Variants in NHS observed in about 807,000 individuals in gnomAD.
NHS encodes actin remodeling regulator NHS.
Under a neutral mutation model 72.5 loss-of-function variants are expected in NHS, and 5 were observed. The observed-to-expected ratio is 0.07, with a 90% confidence interval of 0.04 to 0.14. NHS has a LOEUF of 0.14. NHS is among the 10% of genes least tolerant of loss of function. NHS has a pLI of 1.00. For synonymous variants in NHS, 464 were observed against 547.7 expected, an observed-to-expected ratio of 0.85 and a Z score of 2.13; for missense variants, 1,072 against 1,355.7, an observed-to-expected ratio of 0.79 and a Z score of 3.29.
At chrX:17,721,384 ATATGTGTGCTTATGTATAAAC>A (rs1244612011) in intron 4 of NHS, 36 bp from the exon 5 acceptor site, 5 of 1,129,635 alleles carry the variant, frequency 4.4e-6, no homozygotes, top group Non-Finnish European at 6.1e-6. Flanking sequence ...GAAATTCCTT[ATATGTGTGCTTATGTATAAAC>A]TATGATGGCT....
At chrX:17,473,436 G>T (rs1275529546) in intron 1 of NHS, among the ~76,000 whole-genome samples, 2 of 112,687 alleles carry the variant, frequency 1.8e-5, no homozygotes, top group East Asian at 5.5e-4. Context: ...TCTAGCTGCA[G>T]AGCTGTAAGC....
chrX:17,608,685 TGG>T (rs201442682), intron 1 of NHS, among the ~76,000 whole-genome samples: 8 of 109,401 alleles, frequency 7.3e-5, no homozygotes, highest in African/African-American at 2.4e-4. Context: ...TTTTTTTTTT[TGG>T]GGGGATATAA....
At chrX:17,519,947 C>T (rs1336235482) in intron 1 of NHS, among the ~76,000 whole-genome samples, 1 of 107,369 alleles carries the variant, frequency 9.3e-6, no homozygotes, top group Non-Finnish European at 1.9e-5. Context: ...GCATTTCCCA[C>T]TCCCCACCCC....
At chrX:17,458,157 A>G (rs2064832626) in intron 1 of NHS, among the ~76,000 whole-genome samples, 1 of 111,539 alleles carries the variant, frequency 9.0e-6, no homozygotes, top group Admixed American at 9.5e-5. Flanking sequence ...CCTAAGGCTC[A>G]TCATGTGTTA....
At position 17,725,436 on chromosome X, in the gene NHS, A is replaced by G. The variant is rs1239424222; in HGVS notation, c.1330A>G (p.Thr444Ala). 1 of 1,211,362 alleles carries G rather than the reference A, an allele frequency of 8.3e-7. No individual in the cohort carries two copies. ...CAACACTGTCAATAGGATATCCGGA[A>G]CCAGGGACTCTGAGTGCCAAACCGA... is the stretch of plus-strand genomic sequence containing the variant. The part of the protein sequence containing the change: ...PSNTVNRISG[T>A]RDSECQTEDI... The change falls in exon 7 of 9, where the codon ACC becomes GCC. Residue 444 changes from threonine (T) to alanine (A), a missense_variant. Coordinates refer to ENST00000676302, the MANE Select transcript of NHS (RefSeq NM_001291867.2).
intron 1 of NHS, among the ~76,000 whole-genome samples, chrX:17,655,353 A>C (rs1046941781): frequency 6.2e-5 from 7 of 112,175 alleles, no homozygotes; most frequent in African/African-American, 2.3e-4. Context: ...GGTAACGCGC[A>C]GCCCCAGCGG....
rs1219009600 is a variant in NHS, at chrX:17,375,401, CGGCGACGGCAGTGGCCGGGGT to C, written c.-347_-327del. 3 of 387,831 alleles carry C rather than the reference CGGCGACGGCAGTGGCCGGGGT, an allele frequency of 7.7e-6. No homozygotes were observed. The highest frequency in any genetic ancestry group is 8.8e-6 in the Non-Finnish European group (2 of 226,591). 32.0% of individuals were successfully genotyped at this position (387,831 alleles called of 1,213,427 possible). ...CACGCACGCCCATTTATATAGGCGG[CGGCGACGGCAGTGGCCGGGGT>C]GGCGACGGCGAGCACAGAAACGATG... On this transcript the variant is annotated 5_prime_UTR_variant, in exon 1 of 9. Transcript: ENST00000676302.
chrX:17,542,342 A>C (rs367716993), intron 1 of NHS, among the ~76,000 whole-genome samples: 8 of 113,347 alleles, frequency 7.1e-5, no homozygotes, highest in African/African-American at 2.2e-4. Flanking sequence ...AAAGCAGCCC[A>C]CTGGGGAAAC....
chrX:17,685,351 A>T (rs2066155836), intron 1 of NHS, among the ~76,000 whole-genome samples: 1 of 112,104 alleles, frequency 8.9e-6, no homozygotes, highest in South Asian at 3.7e-4. Context: ...TGGAGAAAGA[A>T]AAAGATTTTG....
rs149355260 is a variant in NHS, at chrX:17,521,475, A to G, written c.565+145153A>G. On this transcript the variant is annotated intron_variant, in intron 1 of 8. Coordinates refer to ENST00000676302, the MANE Select transcript of NHS (RefSeq NM_001291867.2). Reference sequence around the variant, plus strand: ...CTCCCTGGGCTCAAGCGATCCTCCTACCTCAGCCTCCAGTATACCTGGGAC... The same window carrying G: ...CTCCCTGGGCTCAAGCGATCCTCCTGCCTCAGCCTCCAGTATACCTGGGAC... Among the ~76,000 whole-genome samples, 671 of 107,645 alleles carry G rather than the reference A, an allele frequency of 6.2e-3. 6 individuals carry two copies. Among genetic ancestry groups the G allele is most frequent in the African/African-American group, 0.022 (638 of 28,986 alleles). The allele number at this position is 107,645 out of a possible 115,157, so 93.5% of individuals were successfully genotyped here. A position where few individuals can be genotyped will look rare whatever the true frequency, so the allele number is the denominator to read the frequency against.
chrX:17,679,859 A>AGG (rs138011299), intron 1 of NHS, among the ~76,000 whole-genome samples: 229 of 78,514 alleles, frequency 2.9e-3, no homozygotes, highest in Middle Eastern at 7.4e-3. Context: ...GAATGAAGAA[A>AGG]GGGGGGGGGG....
chrX:17,407,121 AG>A lies in NHS; in HGVS notation c.565+30800del, dbSNP rs763062255. Among the ~76,000 whole-genome samples, 52 of 112,001 alleles carry A rather than the reference AG, an allele frequency of 4.6e-4. No homozygotes were observed. The East Asian group carries it at 0.012, about 25-fold the overall frequency. On this transcript the variant is annotated intron_variant, in intron 1 of 8. Transcript: ENST00000676302. ...TCCCATGCATTGTTTTTGCAGAAGCAGAGCATGACCGACATCTAATAATATC... is the reference window on the plus strand; with the variant it reads ...TCCCATGCATTGTTTTTGCAGAAGCAAGCATGACCGACATCTAATAATATC...
At chrX:17,597,183 G>T (rs1218743444) in intron 1 of NHS, among the ~76,000 whole-genome samples, 1 of 100,972 alleles carries the variant, frequency 9.9e-6, no homozygotes, top group Non-Finnish European at 2.0e-5. Flanking sequence ...GCAATGGCGC[G>T]ATCTCGGCTC....
intron 3 of NHS, among the ~76,000 whole-genome samples, chrX:17,695,100 C>G (rs749093739): frequency 5.7e-4 from 64 of 112,419 alleles, no homozygotes; most frequent in African/African-American, 1.9e-3. Context: ...TTCTTACCAT[C>G]AAATGAAAAG....
At chrX:17,563,531 A>G (rs765813585) in intron 1 of NHS, among the ~76,000 whole-genome samples, 1 of 112,526 alleles carries the variant, frequency 8.9e-6, no homozygotes, top group East Asian at 2.8e-4. Flanking sequence ...AATTGACTTG[A>G]AGCTGGTGGG....
chrX:17,614,785 C>T (rs1158339175), intron 1 of NHS, among the ~76,000 whole-genome samples: 1 of 111,129 alleles, frequency 9.0e-6, no homozygotes, highest in Non-Finnish European at 1.9e-5. Context: ...CCAAGTACCA[C>T]ACTAGACATT....
At chrX:17,723,731 G>C (rs997511849) in intron 5 of NHS, among the ~76,000 whole-genome samples, 3 of 83,322 alleles carry the variant, frequency 3.6e-5, no homozygotes, top group African/African-American at 1.9e-4. Context: ...AAAGAGGTGT[G>C]TGTGTGTGTG....
intron 1 of NHS, among the ~76,000 whole-genome samples, chrX:17,597,116 GT>G (rs59820959): frequency 8.9e-4 from 74 of 83,262 alleles, no homozygotes; most frequent in Non-Finnish European, 1.3e-3. Flanking sequence ...CTATTCTTCC[GT>G]TTTTTTTTTT....
At chrX:17,490,511 T>A (rs187356501) in intron 1 of NHS, among the ~76,000 whole-genome samples, 1 of 112,388 alleles carries the variant, frequency 8.9e-6, no homozygotes, top group East Asian at 2.8e-4. Context: ...AGTAGCATGC[T>A]GTTTTGATTA....
Sources: allele counts gnomAD v4.1 joint callset (sites outside exome capture counted in the v4.1 genomes callset), GRCh38; gene constraint gnomAD v4.1.1; transcripts MANE v1.5; gene names NCBI Gene and HGNC (gene_info 2026-07-23, HGNC 2026-07-21).